MISP: variants seen among roughly 807,000 people sequenced by gnomAD.
The protein encoded by MISP is mitotic spindle positioning, also known as mitotic interactor and substrate of PLK1.
MISP carries 51 observed loss-of-function variants against 49.3 expected under a neutral mutation model. That is an observed-to-expected ratio of 1.03 (90% CI 0.83 to 1.31). The LOEUF is 1.31. Among genes scored for constraint, MISP ranks in the 50% most tolerant of loss-of-function variants. MISP has a pLI of 0.00. For synonymous variants in MISP, 444 were observed against 392.6 expected (o/e 1.13, Z -1.55); for missense variants, 1,084 against 935.1 (o/e 1.16, Z -2.08).
chr19:761,769 T>C (rs2033676293), intron 4 of MISP, 106 bp downstream of exon 4: 1 of 1,222,272 alleles, frequency 8.2e-7, no homozygotes, highest in Non-Finnish European at 1.2e-6. Context: ...GGGGATCGTA[T>C]TGGGTGTCTT....
At position 757,964 on chromosome 19, in the gene MISP, C is replaced by T. The variant is rs1250527093; in HGVS notation, c.1018C>T (p.Pro340Ser). The part of the protein sequence containing the change: ...LLTKLSLITA[P>S]RRERGRPSLY... ...GACCAAGCTGAGCCTGATCACAGCC[C>T]CACGGCGGGAGAGAGGGCGCCCGTC... The change falls in exon 2 of 5, where the codon CCA becomes TCA. Residue 340 changes from proline to serine, a missense_variant. Pro to Ser is a moderately conservative substitution (Grantham distance 74). Transcript: ENST00000215582. 3 of 1,588,614 alleles carry T rather than the reference C, an allele frequency of 1.9e-6. No individual in the cohort carries two copies. The Admixed American group carries it at 5.2e-5, about 27-fold the overall frequency.
intron 1 of MISP, among the ~76,000 whole-genome samples, chr19:751,868 A>G (rs1185251562): frequency 6.6e-6 from 1 of 152,168 alleles, no homozygotes; most frequent in African/African-American, 2.4e-5. Context: ...TCCCTTCTGC[A>G]TGGCCTCCTT....
intron 1 of MISP, among the ~76,000 whole-genome samples, chr19:752,701 C>T (rs963515484): frequency 7.1e-6 from 1 of 141,458 alleles, no homozygotes; most frequent in African/African-American, 2.6e-5. Flanking sequence ...CCCGACCCCA[C>T]TGGGAGACCC....
Position 757,808 on chromosome 19 carries a change from C to G in MISP, c.862C>G (p.Pro288Ala). The G allele has an allele frequency of 6.2e-7, 1 of 1,611,992 alleles. No individual in the cohort carries two copies. The highest frequency in any genetic ancestry group is 8.5e-7 in the Non-Finnish European group (1 of 1,178,874). Residue 288 changes from proline to alanine, a missense_variant, in exon 2 of 5, where the codon CCC becomes GCC. Coordinates refer to ENST00000215582, the MANE Select transcript of MISP (RefSeq NM_173481.4). ...GGCCTCAGTGGAGTCCCCGGGGACC[C>G]CCAAGGAGACGCCCATCGAGCGGGA... is the stretch of plus-strand genomic sequence containing the variant. Reference protein sequence around the residue: ...SLASVESPGTPKETPIEREIR... With the variant: ...SLASVESPGTAKETPIEREIR...
rs768143310 is a variant in MISP at position 757,818 on chromosome 19, C to G, written c.872C>G (p.Thr291Arg). Residue 291 changes from threonine (T) to arginine (R), a missense_variant, in exon 2 of 5, where the codon ACG becomes AGG. By Grantham distance (71) the Thr-to-Arg change is moderately conservative. Coordinates refer to ENST00000215582, the MANE Select transcript of MISP (RefSeq NM_173481.4). ...SVESPGTPKE[T>R]PIEREIRLAQ... ...GAGTCCCCGGGGACCCCCAAGGAGA[C>G]GCCCATCGAGCGGGAGATCCGTCTG... 5 of 1,611,006 alleles carry G rather than the reference C, an allele frequency of 3.1e-6. No homozygotes were observed. In the South Asian group the frequency reaches 5.5e-5, roughly 18 times the overall value.
At position 751,479 on chromosome 19, in the gene MISP, G is replaced by A. The variant is rs112456220; in HGVS notation, c.-58+308G>A. ...CCCAGAGCCCTCCAAGGGAGGGGCC[G>A]GGTTGGCACCCCCATGGTCAGAGGC... On this transcript the variant is annotated intron_variant, in intron 1 of 4. Coordinates refer to ENST00000215582, the MANE Select transcript of MISP (RefSeq NM_173481.4). Among the ~76,000 whole-genome samples the A allele has an allele frequency of 2.5e-3, 374 of 152,312 alleles. 2 individuals are homozygous for A. Among genetic ancestry groups the A allele is most frequent in the African/African-American group, 8.5e-3 (355 of 41,572 alleles).
chr19:760,408 C>T (rs1473528712), intron 3 of MISP: 1 of 189,646 alleles, frequency 5.3e-6, no homozygotes, highest in Non-Finnish European at 1.1e-5. Flanking sequence ...CTCTGTCGCC[C>T]AGGCTGGAGT....
chr19:754,503 C>G (rs901665054), intron 1 of MISP, among the ~76,000 whole-genome samples: 4 of 152,090 alleles, frequency 2.6e-5, no homozygotes, highest in African/African-American at 7.2e-5. Context: ...GGCGGGTGCC[C>G]GTAGTCCCAG....
In MISP at chr19:758,709, G is replaced by T. The variant is rs569078395; in HGVS notation, c.1763G>T (p.Ser588Ile). 12 of 1,613,294 alleles carry T rather than the reference G, an allele frequency of 7.4e-6. No individual in the cohort carries two copies. The African/African-American group carries it at 1.2e-4, about 16-fold the overall frequency. The change falls in exon 2 of 5, where the codon AGC becomes ATC. Residue 588 changes from serine to isoleucine, a missense_variant. Ser to Ile is a moderately radical substitution (Grantham distance 142). Coordinates refer to ENST00000215582, the MANE Select transcript of MISP (RefSeq NM_173481.4). ...PDENSDQNSRSSSQASGITGS... is the reference protein window; with the variant it reads ...PDENSDQNSRISSQASGITGS... Reference sequence around the variant, plus strand: ...GAGAACTCTGACCAGAACTCCAGGAGCTCCTCCCAGGCATCCGGTGAGAAG... The same window carrying T: ...GAGAACTCTGACCAGAACTCCAGGATCTCCTCCCAGGCATCCGGTGAGAAG...
intron 1 of MISP, among the ~76,000 whole-genome samples, chr19:751,663 G>C (rs942174921): frequency 6.6e-6 from 1 of 152,156 alleles, no homozygotes; most frequent in Non-Finnish European, 1.5e-5. Context: ...GAGTACAGGC[G>C]GAAGGAGTCT....
intron 2 of MISP, among the ~76,000 whole-genome samples, chr19:758,969 G>T (rs1028426747): frequency 6.6e-6 from 1 of 152,162 alleles, no homozygotes; most frequent in African/African-American, 2.4e-5. Flanking sequence ...TTGTTGTTAG[G>T]CGCATAAATG....
At chr19:753,207 A>G (rs1002019523) in intron 1 of MISP, among the ~76,000 whole-genome samples, 1 of 152,062 alleles carries the variant, frequency 6.6e-6, no homozygotes, top group Non-Finnish European at 1.5e-5. Context: ...TTTATTCACC[A>G]ATGCCGCCTG....
chr19:757,108 C>A lies in MISP; in HGVS notation c.162C>A (p.Asp54Glu), dbSNP rs200250525. ...ATGAGCCGCAGACATGGCCCACTGA[C>A]CACAGGGCCCAGCAGGGCGTGCAGA... Reference protein sequence around the residue: ...GQDEPQTWPTDHRAQQGVQRQ... With the variant: ...GQDEPQTWPTEHRAQQGVQRQ... Residue 54 changes from aspartate to glutamate, a missense_variant, in exon 2 of 5, where the codon GAC becomes GAA. By Grantham distance (45) the Asp-to-Glu change is conservative. Transcript: ENST00000215582. 1.9e-6 allele frequency: 3 copies of A among 1,613,186 alleles called. No homozygotes were observed.
At chr19:754,326 T>C (rs939078135) in intron 1 of MISP, among the ~76,000 whole-genome samples, 8 of 152,104 alleles carry the variant, frequency 5.3e-5, no homozygotes, top group African/African-American at 9.7e-5. Context: ...TAGCCAGGCG[T>C]GGTGGCGGGC....
In MISP at chr19:756,984, C is replaced by T. The variant is rs755820322; in HGVS notation, c.38C>T (p.Pro13Leu). The change falls in exon 2 of 5, where the codon CCT (proline) becomes CTT (leucine). Residue 13 changes from proline to leucine, a missense_variant. Pro to Leu is a moderately conservative substitution (Grantham distance 98, BLOSUM62 -3). Coordinates refer to ENST00000215582, the MANE Select transcript of MISP (RefSeq NM_173481.4). ...ACCAGATACCCCATCCTGGGCATCCCTCAGGCACACCGTGGCACCGGCCTG... is the reference window on the plus strand; with the variant it reads ...ACCAGATACCCCATCCTGGGCATCCTTCAGGCACACCGTGGCACCGGCCTG... ...RVTRYPILGI[P>L]QAHRGTGLVL... 2.5e-6 allele frequency: 4 copies of T among 1,593,534 alleles called. No individual in the cohort carries two copies. The highest frequency in any genetic ancestry group is 4.6e-5 in the East Asian group (2 of 43,694).
At chr19:750,901 G>T (rs1178015290), upstream of MISP, among the ~76,000 whole-genome samples, 1 of 152,190 alleles carries the variant, frequency 6.6e-6, no homozygotes, top group Admixed American at 6.5e-5. Flanking sequence ...CTGGCTCCTC[G>T]GGGCCACCTG....
intron 1 of MISP, among the ~76,000 whole-genome samples, chr19:754,246 C>T (rs1324330027): frequency 1.3e-5 from 2 of 152,084 alleles, no homozygotes; most frequent in Non-Finnish European, 2.9e-5. Context: ...GGGAGGATCA[C>T]GAGGTCAGGA....
Position 757,216 on chromosome 19 carries a change from G to A in MISP, c.270G>A (p.Glu90=), listed in dbSNP as rs913713629. ...RGLHSENRED[E]GWQVYRLGAR... ...TCCACTCGGAGAACAGGGAGGATGA[G>A]GGTTGGCAGGTTTACCGCCTGGGCG... Residue 90 remains glutamate (E), a synonymous_variant, in exon 2 of 5, where the codon GAG becomes GAA. Transcript: ENST00000215582. The A allele has an allele frequency of 6.2e-7, 1 of 1,613,764 alleles. No individual in the cohort carries two copies. The highest frequency in any genetic ancestry group is 8.5e-7 in the Non-Finnish European group (1 of 1,180,002).
chr19:758,032 G>A lies in MISP; in HGVS notation c.1086G>A (p.Glu362=), dbSNP rs780055791. 2 of 1,570,560 alleles carry A rather than the reference G, an allele frequency of 1.3e-6. No homozygotes were observed. The highest frequency in any genetic ancestry group is 4.5e-5 in the East Asian group (2 of 44,426). Residue 362 remains glutamate, a synonymous_variant, in exon 2 of 5, where the codon GAG becomes GAA. Coordinates refer to ENST00000215582, the MANE Select transcript of MISP (RefSeq NM_173481.4). ...QRDIVQETQR[E]EDHRREGLHV... Reference sequence around the variant, plus strand: ...ACATAGTACAGGAGACACAGCGTGAGGAAGACCACCGGCGGGAGGGCCTGC... The same window carrying A: ...ACATAGTACAGGAGACACAGCGTGAAGAAGACCACCGGCGGGAGGGCCTGC...
Sources: gnomAD v4.1 joint callset for allele counts (sites outside exome capture counted in the v4.1 genomes callset) on GRCh38, gnomAD v4.1.1 for gene constraint, MANE v1.5 for transcripts, NCBI Gene and HGNC (gene_info 2026-07-23, HGNC 2026-07-21) for gene names.